The following CASK variants were observed in gnomAD, a reference collection of about 807,000 sequenced individuals.
CASK encodes the protein peripheral plasma membrane protein CASK.
CASK carries 4 observed loss-of-function variants against 82.9 expected under a neutral mutation model. That is an observed-to-expected ratio of 0.05 (90% CI 0.02 to 0.11). The LOEUF is 0.11. Among genes scored for constraint, CASK ranks in the 10% least tolerant of loss-of-function variants. The pLI is 1.00. For missense variants in CASK, 358 were observed against 720.9 expected (o/e 0.50, Z 5.76); for synonymous variants, 259 against 253.5 (o/e 1.02, Z -0.20).
intron 1 of CASK, among the ~76,000 whole-genome samples, chrX:41,918,515 C>T (rs775941690): frequency 1.8e-5 from 2 of 112,352 alleles, no homozygotes; most frequent in African/African-American, 6.5e-5. Context: ...CCATCATCAA[C>T]TGTTATTGAA....
At chrX:41,640,624 T>C (rs1022152346) in intron 8 of CASK, among the ~76,000 whole-genome samples, 1 of 112,219 alleles carries the variant, frequency 8.9e-6, no homozygotes, top group African/African-American at 3.2e-5. Flanking sequence ...TGACTAATGA[T>C]GAACATCTTT....
chrX:41,804,552 C>G (rs2070071724), intron 2 of CASK, among the ~76,000 whole-genome samples: 1 of 111,692 alleles, frequency 9.0e-6, no homozygotes, highest in African/African-American at 3.3e-5. Flanking sequence ...AGACAGAAAA[C>G]AGAGAGAGCA....
intron 21 of CASK, among the ~76,000 whole-genome samples, chrX:41,544,770 A>G (rs1422782928): frequency 1.8e-5 from 2 of 109,397 alleles, no homozygotes; most frequent in African/African-American, 6.6e-5. Flanking sequence ...GTGTGATGTT[A>G]CGTGCCTGTA....
intron 6 of CASK, among the ~76,000 whole-genome samples, chrX:41,668,463 A>T (rs1352457413): frequency 8.9e-6 from 1 of 111,994 alleles, no homozygotes; most frequent in Non-Finnish European, 1.9e-5. Context: ...TAGATGCTCA[A>T]TTGTGAGGAG....
intron 3 of CASK, among the ~76,000 whole-genome samples, chrX:41,783,836 A>G (rs1425904180): frequency 8.9e-6 from 1 of 112,191 alleles, no homozygotes; most frequent in African/African-American, 3.2e-5. Flanking sequence ...AGTCTTATAT[A>G]TGACAATCTT....
intron 5 of CASK, chrX:41,727,397 A>C: frequency 8.3e-7 from 1 of 1,211,270 alleles, no homozygotes. Flanking sequence ...TTAATGCAAA[A>C]GGATTCCTCG....
At chrX:41,596,945 G>C (rs2065830474) in intron 12 of CASK, among the ~76,000 whole-genome samples, 1 of 112,321 alleles carries the variant, frequency 8.9e-6, no homozygotes, top group South Asian at 3.7e-4. Context: ...ACTTGGTAGT[G>C]ATATTAAATT....
At chrX:41,742,916 C>T (rs1295115302) in intron 4 of CASK, among the ~76,000 whole-genome samples, 5 of 112,152 alleles carry the variant, frequency 4.5e-5, no homozygotes, top group Non-Finnish European at 1.9e-5. Flanking sequence ...GGTCCCAATG[C>T]TACTCTTTTC....
chrX:41,713,272 CAA>C (rs757951845), intron 5 of CASK, among the ~76,000 whole-genome samples: 3 of 111,712 alleles, frequency 2.7e-5, no homozygotes, highest in Non-Finnish European at 5.6e-5. Flanking sequence ...TTTAAATGCT[CAA>C]GAGTGGAAGA....
intron 3 of CASK, among the ~76,000 whole-genome samples, chrX:41,784,252 C>T (rs192570174): frequency 1.9e-3 from 210 of 111,702 alleles, no homozygotes; most frequent in African/African-American, 6.5e-3. Context: ...GGGAAATGCA[C>T]AGCCCCTGAG....
At chrX:41,760,481 G>A (rs1469629958) in intron 3 of CASK, among the ~76,000 whole-genome samples, 1 of 111,621 alleles carries the variant, frequency 9.0e-6, no homozygotes, top group Non-Finnish European at 1.9e-5. Context: ...TTGGACTTAC[G>A]GGGGTTATCG....
chrX:41,549,157 A>C (rs2065062131), intron 21 of CASK, among the ~76,000 whole-genome samples: 1 of 112,021 alleles, frequency 8.9e-6, no homozygotes, highest in Non-Finnish European at 1.9e-5. Context: ...TCTCATCTAG[A>C]AAATGTGAAG....
intron 5 of CASK, among the ~76,000 whole-genome samples, chrX:41,723,368 A>AG (rs2068200738): frequency 8.9e-6 from 1 of 112,308 alleles, no homozygotes; most frequent in Non-Finnish European, 1.9e-5. Flanking sequence ...TTTAGTTAGT[A>AG]GGTCACAGAC....
intron 3 of CASK, among the ~76,000 whole-genome samples, chrX:41,769,516 C>T (rs1465767547): frequency 9.0e-6 from 1 of 111,324 alleles, no homozygotes; most frequent in East Asian, 2.8e-4. Context: ...TAGGGGTGAA[C>T]TGGAAGCAAT....
intron 5 of CASK, among the ~76,000 whole-genome samples, chrX:41,733,543 T>C (rs967366011): frequency 1.8e-5 from 2 of 109,541 alleles, no homozygotes; most frequent in Non-Finnish European, 3.8e-5. Context: ...GGTCAGGAGA[T>C]CGAAACCATC....
At chrX:41,839,455 G>A (rs1254022384) in intron 2 of CASK, among the ~76,000 whole-genome samples, 2 of 110,566 alleles carry the variant, frequency 1.8e-5, no homozygotes, top group East Asian at 2.8e-4. Context: ...TGTTCTTTGC[G>A]AGTATAGAGA....
chrX:41,908,199 C>T (rs903507499), intron 1 of CASK, among the ~76,000 whole-genome samples: 3 of 111,681 alleles, frequency 2.7e-5, no homozygotes, highest in African/African-American at 9.8e-5. Context: ...GGTGAAACCC[C>T]GTCTCTGCTA....
intron 2 of CASK, among the ~76,000 whole-genome samples, chrX:41,800,489 T>TTTTTC (rs918801070): frequency 9.0e-6 from 1 of 111,217 alleles, no homozygotes; most frequent in Non-Finnish European, 1.9e-5. Context: ...TTATTTTTAT[T>TTTTTC]TTTTCTTTTC....
At chrX:41,603,898 A>C (rs780008288) in intron 12 of CASK, among the ~76,000 whole-genome samples, 1 of 111,817 alleles carries the variant, frequency 8.9e-6, no homozygotes, top group South Asian at 3.7e-4. Context: ...TTTAATAGGA[A>C]AATTTATACT....
Sources: allele counts gnomAD v4.1 joint callset (sites outside exome capture counted in the v4.1 genomes callset), GRCh38; gene constraint gnomAD v4.1.1; transcripts MANE v1.5; gene names NCBI Gene and HGNC (gene_info 2026-07-23, HGNC 2026-07-21).